PRSS38: variants seen among roughly 807,000 people sequenced by gnomAD.
The protein encoded by PRSS38 is serine protease 38.
In PRSS38, 22 loss-of-function variants were observed where a neutral mutation model predicts 26.8. The observed-to-expected ratio is 0.82, with a 90% CI of 0.59 to 1.17. The LOEUF (loss-of-function observed/expected upper bound fraction) is 1.17, where lower values mean the gene tolerates loss of function less well. Ranked by LOEUF, PRSS38 falls within the 50% of genes most tolerant of loss-of-function variation. The pLI is 0.00. For synonymous variants in PRSS38, 175 were observed against 172.1 expected (o/e 1.02, Z -0.13); for missense variants, 427 against 422.7 (o/e 1.01, Z -0.09).
At chr1:227,824,847 G>T (rs1160004549) in intron 3 of PRSS38, among the ~76,000 whole-genome samples, 5 of 152,022 alleles carry the variant, frequency 3.3e-5, no homozygotes, top group Non-Finnish European at 5.9e-5. Context: ...TTTCATGTTT[G>T]TTGGCTGTAT....
intron 3 of PRSS38, among the ~76,000 whole-genome samples, chr1:227,821,201 C>G (rs1664999154): frequency 6.6e-6 from 1 of 152,036 alleles, no homozygotes; most frequent in African/African-American, 2.4e-5. Context: ...ATCCATGTCC[C>G]TGCAAAGGAC....
Position 227,817,488 on chromosome 1 carries a change from T to G in PRSS38, c.583+8T>G, listed in dbSNP as rs1375542856. On this transcript the variant is annotated splice_region_variant and intron_variant, in intron 3 of 4. Transcript: ENST00000366757. ...GACTAGTCTCAAAACAAGGTAGGAATACAGTGCAGGGCTTTGTGGGCAGGA... is the reference window on the plus strand; with the variant it reads ...GACTAGTCTCAAAACAAGGTAGGAAGACAGTGCAGGGCTTTGTGGGCAGGA... 1 of 1,614,028 alleles carries G rather than the reference T, an allele frequency of 6.2e-7. No individual in the cohort carries two copies. Among genetic ancestry groups the G allele is most frequent in the Admixed American group, 1.7e-5 (1 of 60,026 alleles).
intron 3 of PRSS38, among the ~76,000 whole-genome samples, chr1:227,829,882 T>A (rs1353816890): frequency 6.6e-6 from 1 of 152,198 alleles, no homozygotes; most frequent in Non-Finnish European, 1.5e-5. Flanking sequence ...TTGTTCTTCA[T>A]CTTAGTGGGG....
rs138951620 is a variant in PRSS38, at chr1:227,829,273, TTTCTC to T, written c.583+11797_583+11801del. 3.8e-3 allele frequency among the ~76,000 whole-genome samples: 578 copies of T among 152,306 alleles called. 5 individuals are homozygous for T. The highest frequency in any genetic ancestry group is 0.013 in the African/African-American group (548 of 41,570). ...CACCAGCAGTGTATAAGCCTTCCCTTTTCTCTTCATCCTCACCAATTTCTGTTGTT... is the reference window on the plus strand; with the variant it reads ...CACCAGCAGTGTATAAGCCTTCCCTTTTCATCCTCACCAATTTCTGTTGTT... On this transcript the variant is annotated intron_variant, in intron 3 of 4. Coordinates refer to ENST00000366757, the Ensembl canonical transcript of PRSS38.
At chr1:227,844,105 C>A (rs1665378953) in intron 3 of PRSS38, among the ~76,000 whole-genome samples, 1 of 152,226 alleles carries the variant, frequency 6.6e-6, no homozygotes, top group Non-Finnish European at 1.5e-5. Flanking sequence ...CTCTGTCTGA[C>A]ATCTTTTGTT....
intron 1 of PRSS38, 108 bp downstream of exon 1, chr1:227,815,972 C>A (rs993371824): frequency 3.9e-5 from 58 of 1,499,724 alleles, no homozygotes; most frequent in Non-Finnish European, 5.2e-5. Context: ...TTCCCCTCCC[C>A]CATGTCCCCT....
intron 3 of PRSS38, among the ~76,000 whole-genome samples, chr1:227,830,564 C>T (rs1238520108): frequency 3.3e-4 from 49 of 147,036 alleles, no homozygotes; most frequent in Admixed American, 3.4e-4. Flanking sequence ...TGCAATAGCG[C>T]GATCTCAGCT....
chr1:227,834,977 T>C (rs1665218617), intron 3 of PRSS38, among the ~76,000 whole-genome samples: 1 of 152,144 alleles, frequency 6.6e-6, no homozygotes, highest in South Asian at 2.1e-4. Context: ...AAAGAACTCC[T>C]ACAACTCAAC....
chr1:227,830,506 T>C (rs951790998), intron 3 of PRSS38, among the ~76,000 whole-genome samples: 1 of 148,670 alleles, frequency 6.7e-6, no homozygotes, highest in Non-Finnish European at 1.5e-5. Flanking sequence ...GTCTACTTTT[T>C]TTTTTTTTTT....
chr1:227,842,489 A>G (rs1665352246), intron 3 of PRSS38, among the ~76,000 whole-genome samples: 1 of 152,140 alleles, frequency 6.6e-6, no homozygotes, highest in Non-Finnish European at 1.5e-5. Flanking sequence ...ATGGACACCA[A>G]TCCAACAGGG....
At chr1:227,841,423 G>A (rs1665335848) in intron 3 of PRSS38, among the ~76,000 whole-genome samples, 1 of 152,250 alleles carries the variant, frequency 6.6e-6, no homozygotes, top group African/African-American at 2.4e-5. Context: ...GGAACCGCAA[G>A]ACATATGGCA....
chr1:227,844,428 A>G (rs1665384135), intron 3 of PRSS38, among the ~76,000 whole-genome samples: 1 of 147,304 alleles, frequency 6.8e-6, no homozygotes, highest in Admixed American at 6.7e-5. Context: ...GTTCCTCTCT[A>G]TGTGCGGTGA....
rs375396269 is a variant in PRSS38, at chr1:227,824,395, C to T, written c.583+6915C>T. Among the ~76,000 whole-genome samples the T allele has an allele frequency of 5.9e-5, 9 of 152,144 alleles. No homozygotes were observed. In the South Asian group the frequency reaches 6.2e-4, roughly 11 times the overall value. The stretch of plus-strand genomic sequence containing the variant: ...ACTCCATCCATGACCCTGAAAAGGA[C>T]ATGATCTCATTTTTTCATGGCTGCA... On this transcript the variant is annotated intron_variant, in intron 3 of 4. Transcript: ENST00000366757.
chr1:227,834,991 A>C (rs1665218676), intron 3 of PRSS38, among the ~76,000 whole-genome samples: 1 of 152,170 alleles, frequency 6.6e-6, no homozygotes, highest in African/African-American at 2.4e-5. Flanking sequence ...ACTCAACAAA[A>C]AGCAAGCAAC....
At chr1:227,832,669 G>A (rs1387049074) in intron 3 of PRSS38, among the ~76,000 whole-genome samples, 1 of 152,160 alleles carries the variant, frequency 6.6e-6, no homozygotes, top group African/African-American at 2.4e-5. Flanking sequence ...CAAATTAGGT[G>A]AGAAAAATAA....
intron 3 of PRSS38, 141 bp from the exon 4 acceptor site, chr1:227,845,329 C>G: frequency 1.6e-6 from 1 of 622,226 alleles, no homozygotes; most frequent in Admixed American, 2.8e-5. Context: ...GGACTCATCC[C>G]TATGTGTCAT....
chr1:227,837,070 C>T lies in PRSS38; in HGVS notation c.584-8400C>T, dbSNP rs186870738. On this transcript the variant is annotated intron_variant, in intron 3 of 4. Transcript: ENST00000366757. The stretch of plus-strand genomic sequence containing the variant: ...CAGCGGCACAGTCATAGTTCACTGC[C>T]GCCTCTAACTCTTGGGCTCAAATGA... 1.3e-4 allele frequency among the ~76,000 whole-genome samples: 20 copies of T among 152,214 alleles called. No homozygotes were observed. In the East Asian group the frequency reaches 2.7e-3, roughly 21 times the overall value.
chr1:227,827,049 G>A (rs890666244), intron 3 of PRSS38, among the ~76,000 whole-genome samples: 9 of 152,284 alleles, frequency 5.9e-5, no homozygotes, highest in African/African-American at 2.2e-4. Flanking sequence ...TAGTGGATAA[G>A]CTTTTTGATG....
At chr1:227,819,616 T>C (rs1664972118) in intron 3 of PRSS38, among the ~76,000 whole-genome samples, 1 of 152,242 alleles carries the variant, frequency 6.6e-6, no homozygotes. Flanking sequence ...ATGGAATGTA[T>C]TTCCATTTAT....
Sources: allele counts gnomAD v4.1 joint callset (sites outside exome capture counted in the v4.1 genomes callset), GRCh38; gene constraint gnomAD v4.1.1; transcripts MANE v1.5; gene names NCBI Gene and HGNC (gene_info 2026-07-23, HGNC 2026-07-21).